The following STON2 variants were observed in gnomAD, a reference collection of about 807,000 sequenced individuals.
STON2 encodes the protein stonin 2.
In STON2, 29 loss-of-function variants were observed where a neutral mutation model predicts 65.7. The ratio of observed to expected loss-of-function variants is 0.44; its 90% CI spans 0.33 to 0.60. The LOEUF is 0.60. Among genes scored for constraint, STON2 ranks in the 20% least tolerant of loss-of-function variants. STON2 has a pLI of 0.03. For missense variants in STON2, 1,054 were observed against 1,118.1 expected, an observed-to-expected ratio of 0.94 and a Z score of 0.82; for synonymous variants, 404 against 414.2, an observed-to-expected ratio of 0.98 and a Z score of 0.30.
intron 2 of STON2, among the ~76,000 whole-genome samples, chr14:81,408,293 T>A (rs1333910584): frequency 6.6e-6 from 1 of 152,140 alleles, no homozygotes; most frequent in African/African-American, 2.4e-5. Flanking sequence ...TATTTTATTT[T>A]AAAAAACAAA....
rs371236234 is a variant in STON2, at chr14:81,339,880, C to A, written c.572-15693G>T. Among the ~76,000 whole-genome samples the A allele has an allele frequency of 7.9e-5, 12 of 152,298 alleles. No homozygotes were observed. The South Asian group carries it at 2.5e-3, about 32-fold the overall frequency. The stretch of plus-strand genomic sequence containing the variant: ...TCAAAATAAGCTGAGTAACGCTGGG[C>A]GTGGTGGCTCACGCCTGTAATCCCA... On this transcript the variant is annotated intron_variant, in intron 4 of 7. Transcript: ENST00000614646.
chr14:81,403,675 C>T (rs1015732355), upstream of STON2, among the ~76,000 whole-genome samples: 1 of 152,182 alleles, frequency 6.6e-6, no homozygotes, highest in African/African-American at 2.4e-5. Context: ...CCGGCTAGGT[C>T]CTATGGCTCC....
At chr14:81,355,327 G>A (rs560549298) in intron 4 of STON2, among the ~76,000 whole-genome samples, 75 of 152,098 alleles carry the variant, frequency 4.9e-4, no homozygotes, top group African/African-American at 1.7e-3. Context: ...CCAAAGAGGC[G>A]TTCACAAAGA....
At position 81,278,180 on chromosome 14, in the gene STON2, T is replaced by A. The variant is rs112025401; in HGVS notation, c.1302A>T (p.Ser434=). The A allele has an allele frequency of 2.5e-6, 4 of 1,614,190 alleles. No individual in the cohort carries two copies. The East Asian group carries it at 6.7e-5, about 27-fold the overall frequency. Residue 434 remains serine, a synonymous_variant, in exon 6 of 8, where the codon TCA becomes TCT. Transcript: ENST00000614646. The stretch of plus-strand genomic sequence containing the variant: ...TGAGTTTTTCAACAGCATCAGAGTG[T>A]GACTGGGTTTTGCTTGAATCATCAA... The part of the protein sequence containing the change: ...ISFDDSSKTQ[S]HSDAVEKLKQ...
chr14:81,371,687 A>AAAAAAAAAAAAAG (rs1566931809), intron 3 of STON2, among the ~76,000 whole-genome samples: 1 of 146,812 alleles, frequency 6.8e-6, no homozygotes. Flanking sequence ...AAAAAAAAAA[A>AAAAAAAAAAAAAG]AAAAGAAAAG....
intron 4 of STON2, among the ~76,000 whole-genome samples, chr14:81,329,177 C>T (rs1382025242): frequency 2.0e-5 from 3 of 152,192 alleles, no homozygotes; most frequent in South Asian, 2.1e-4. Context: ...GAGACATGGC[C>T]GGGCGCGGTG....
chr14:81,336,722 G>A (rs1177658206), intron 4 of STON2, among the ~76,000 whole-genome samples: 1 of 151,992 alleles, frequency 6.6e-6, no homozygotes, highest in African/African-American at 2.4e-5. Flanking sequence ...GAATTAAAGG[G>A]AGCACAATGT....
intron 4 of STON2, among the ~76,000 whole-genome samples, chr14:81,348,293 C>A (rs1464107534): frequency 6.6e-6 from 1 of 152,074 alleles, no homozygotes; most frequent in African/African-American, 2.4e-5. Flanking sequence ...ACATAAAAAG[C>A]ATCCCAATTT....
chr14:81,267,529 T>G lies in STON2; in HGVS notation c.*885A>C, dbSNP rs145726421. The G allele has an allele frequency of 1.0e-6, 1 of 985,308 alleles. No homozygotes were observed. The highest frequency in any genetic ancestry group is 1.1e-4 in the East Asian group (1 of 8,820). The allele number at this position is 985,308 out of a possible 1,614,324, so 61.0% of individuals were successfully genotyped here. ...CCCCTTACAAATGCCTCAGGTATTA[T>G]GTATATTTGTTTCAGGAATCAGAAG... On this transcript the variant is annotated 3_prime_UTR_variant, in exon 8 of 8. Transcript: ENST00000614646.
At chr14:81,384,646 G>C (rs564472659) in intron 3 of STON2, among the ~76,000 whole-genome samples, 1 of 152,194 alleles carries the variant, frequency 6.6e-6, no homozygotes, top group Non-Finnish European at 1.5e-5. Flanking sequence ...TGTATCCACA[G>C]TGTTTGAACA....
chr14:81,424,581 G>C (rs528086833), intron 2 of STON2, among the ~76,000 whole-genome samples: 1 of 151,810 alleles, frequency 6.6e-6, no homozygotes, highest in South Asian at 2.1e-4. Context: ...AATTCCATCA[G>C]CATGCATTTC....
chr14:81,400,093 T>C (rs1261276460), intron 1 of STON2, among the ~76,000 whole-genome samples, 186 bp downstream of exon 1: 3 of 152,126 alleles, frequency 2.0e-5, no homozygotes, highest in African/African-American at 7.2e-5. Context: ...TCAATTACAA[T>C]GGAACTGTAA....
intron 2 of STON2, among the ~76,000 whole-genome samples, chr14:81,421,199 T>C (rs775365760): frequency 6.6e-6 from 1 of 152,174 alleles, no homozygotes; most frequent in African/African-American, 2.4e-5. Context: ...AACAGCTGCA[T>C]TAAAAATGTA....
chr14:81,410,385 T>A (rs900104561), intron 2 of STON2, among the ~76,000 whole-genome samples: 1 of 151,862 alleles, frequency 6.6e-6, no homozygotes, highest in Non-Finnish European at 1.5e-5. Flanking sequence ...CTTGTAGTTA[T>A]GTTATACTGC....
At chr14:81,294,970 T>A (rs537551643) in intron 5 of STON2, among the ~76,000 whole-genome samples, 7 of 152,230 alleles carry the variant, frequency 4.6e-5, no homozygotes, top group Non-Finnish European at 1.0e-4. Flanking sequence ...TCCAAATCAA[T>A]CCTGCATTCC....
At position 81,344,046 on chromosome 14, in the gene STON2, T is replaced by C. The variant is rs546892253; in HGVS notation, c.572-19859A>G. On this transcript the variant is annotated intron_variant, in intron 4 of 7. Coordinates refer to ENST00000614646, the MANE Select transcript of STON2 (RefSeq NM_001394390.1). ...GAAATTAACCACTAGCTCATGGCTC[T>C]TTCATACGGAAAAGACAGAAATATT... 5.3e-5 allele frequency among the ~76,000 whole-genome samples: 8 copies of C among 152,112 alleles called. 1 individual carries two copies. The South Asian group carries it at 1.7e-3, about 32-fold the overall frequency.
chr14:81,355,228 A>C (rs1287866656), intron 4 of STON2, among the ~76,000 whole-genome samples: 1 of 152,212 alleles, frequency 6.6e-6, no homozygotes, highest in Non-Finnish European at 1.5e-5. Context: ...AGCATATTTT[A>C]AAAAATAATA....
chr14:81,328,289 G>C (rs994404424), intron 4 of STON2, among the ~76,000 whole-genome samples: 4 of 152,116 alleles, frequency 2.6e-5, no homozygotes, highest in Non-Finnish European at 4.4e-5. Context: ...AATGTAAATA[G>C]AAGTCTATTA....
intron 4 of STON2, among the ~76,000 whole-genome samples, chr14:81,338,608 T>C (rs1484699258): frequency 6.6e-6 from 1 of 152,166 alleles, no homozygotes; most frequent in African/African-American, 2.4e-5. Flanking sequence ...GAAGTATAGG[T>C]GACAACCTAC....
Sources: gnomAD v4.1 joint callset for allele counts (sites outside exome capture counted in the v4.1 genomes callset) on GRCh38, gnomAD v4.1.1 for gene constraint, MANE v1.5 for transcripts, NCBI Gene and HGNC (gene_info 2026-07-23, HGNC 2026-07-21) for gene names.